The following DOCK11 variants were observed in gnomAD, a reference collection of about 807,000 sequenced individuals.
DOCK11 encodes the protein dedicator of cytokinesis protein 11.
DOCK11 carries 70 observed loss-of-function variants against 169.1 expected under a neutral mutation model. The ratio of observed to expected loss-of-function variants is 0.41; its 90% CI spans 0.34 to 0.51. The LOEUF (loss-of-function observed/expected upper bound fraction) is 0.51. Among genes scored for constraint, DOCK11 ranks in the 20% least tolerant of loss-of-function variants. DOCK11 has a pLI of 0.10. For synonymous variants in DOCK11, 529 were observed against 541.3 expected (o/e 0.98, Z 0.32); for missense variants, 1,166 against 1,538.8 (o/e 0.76, Z 4.05).
chrX:118,590,984 C>T (rs2013975275), intron 19 of DOCK11, among the ~76,000 whole-genome samples: 1 of 112,349 alleles, frequency 8.9e-6, no homozygotes. Flanking sequence ...CTGTCACAGC[C>T]ACTTCTGGTC....
At chrX:118,629,211 A>G (rs2015178753) in intron 34 of DOCK11, among the ~76,000 whole-genome samples, 1 of 111,732 alleles carries the variant, frequency 8.9e-6, no homozygotes, top group Non-Finnish European at 1.9e-5. Flanking sequence ...GCCTTTGGGT[A>G]AACAGTAATT....
In DOCK11 at chrX:118,537,227, G is replaced by C. The variant is rs746587829; in HGVS notation, c.103-5498G>C. Among the ~76,000 whole-genome samples, 53 of 111,593 alleles carry C rather than the reference G, an allele frequency of 4.7e-4. 1 individual carries two copies. Among genetic ancestry groups the C allele is most frequent in the African/African-American group, 1.5e-3 (47 of 30,688 alleles). On this transcript the variant is annotated intron_variant, in intron 1 of 52. Coordinates refer to ENST00000276202, the MANE Select transcript of DOCK11 (RefSeq NM_144658.4). ...TGCTGAAACTCAGTTTGGAGGATGG[G>C]GTGGTGGTAGTGGTGGCGTGGTGGT... is the stretch of plus-strand genomic sequence containing the variant.
At chrX:118,652,179 T>C (rs779223651) in intron 42 of DOCK11, 102 bp downstream of exon 42, 1 of 504,370 alleles carries the variant, frequency 2.0e-6, no homozygotes, top group African/African-American at 2.4e-5. Context: ...TAGTATAGAA[T>C]GTACGGAATG....
chrX:118,535,695 T>TA (rs1847540286), intron 1 of DOCK11, among the ~76,000 whole-genome samples: 1 of 111,955 alleles, frequency 8.9e-6, no homozygotes, highest in Non-Finnish European at 1.9e-5. Flanking sequence ...ACTTTTCCCT[T>TA]AGCCGTTTAC....
intron 36 of DOCK11, among the ~76,000 whole-genome samples, chrX:118,636,828 TACACAC>T (rs765702693): frequency 2.6e-3 from 260 of 100,554 alleles, no homozygotes; most frequent in South Asian, 0.011. Flanking sequence ...TATTTGTGTG[TACACAC>T]ACACACACAC....
chrX:118,607,084 T>C (rs1307984784), intron 24 of DOCK11, among the ~76,000 whole-genome samples: 1 of 106,470 alleles, frequency 9.4e-6, no homozygotes, highest in Non-Finnish European at 1.9e-5. Context: ...CCTTTCCTTT[T>C]CCCTTTCCCT....
At position 118,670,842 on chromosome X, in the gene DOCK11, CTT is replaced by C. The variant is rs769702221; in HGVS notation, c.5077-179_5077-178del. ...TTTATATTTTTAAGAATGTTTTTAA[CTT>C]TAAATATTTTAAATATTTGATTTAG... On this transcript the variant is annotated intron_variant, in intron 45 of 52. Coordinates refer to ENST00000276202, the MANE Select transcript of DOCK11 (RefSeq NM_144658.4). Among the ~76,000 whole-genome samples the C allele has an allele frequency of 4.5e-5, 5 of 112,152 alleles. No individual in the cohort carries two copies. In the East Asian group the frequency reaches 1.4e-3, roughly 31 times the overall value.
intron 16 of DOCK11, among the ~76,000 whole-genome samples, 196 bp downstream of exon 16, chrX:118,585,313 T>A (rs750710247): frequency 9.2e-6 from 1 of 109,071 alleles, no homozygotes; most frequent in South Asian, 4.0e-4. Flanking sequence ...AAGTCCAAAA[T>A]TAAGGTGTTT....
chrX:118,608,351 C>G lies in DOCK11; in HGVS notation c.2872C>G (p.Leu958Val). 1 of 1,206,434 alleles carries G rather than the reference C, an allele frequency of 8.3e-7. No homozygotes were observed. The highest frequency in any genetic ancestry group is 1.1e-6 in the Non-Finnish European group (1 of 893,552). ...AGATTTTTTATCAATAAACAAATTGCTAAAGGTATGAACACAGGACACAAC... is the reference window on the plus strand; with the variant it reads ...AGATTTTTTATCAATAAACAAATTGGTAAAGGTATGAACACAGGACACAAC... ...SADFLSINKL[L>V]KYSWFFFEII... Residue 958 changes from leucine to valine, a missense_variant, in exon 26 of 53, where the codon CTA becomes GTA. Transcript: ENST00000276202.
intron 14 of DOCK11, 98 bp downstream of exon 14, chrX:118,580,277 C>A: frequency 1.6e-6 from 1 of 635,403 alleles, no homozygotes; most frequent in South Asian, 4.0e-5. Context: ...TTCTGGCAGG[C>A]CAGTTGTATC....
chrX:118,580,242 T>C (rs929765946), intron 14 of DOCK11, 63 bp downstream of exon 14: 1 of 946,318 alleles, frequency 1.1e-6, no homozygotes, highest in Non-Finnish European at 1.5e-6. Flanking sequence ...AGGGCTGTTA[T>C]ACTTACCAGC....
At chrX:118,623,838 C>T (rs1225956495) in intron 31 of DOCK11, among the ~76,000 whole-genome samples, 1 of 112,893 alleles carries the variant, frequency 8.9e-6, no homozygotes, top group East Asian at 2.8e-4. Flanking sequence ...TGTGCTACCA[C>T]AGCCACTATT....
At chrX:118,675,868 C>T in intron 46 of DOCK11, 68 bp from the exon 47 acceptor site, 1 of 625,900 alleles carries the variant, frequency 1.6e-6, no homozygotes, top group Non-Finnish European at 2.4e-6. Context: ...TATTTTTGTA[C>T]ATTCATCTTG....
intron 45 of DOCK11, among the ~76,000 whole-genome samples, chrX:118,663,123 A>G (rs2016258785): frequency 8.9e-6 from 1 of 111,976 alleles, no homozygotes; most frequent in Non-Finnish European, 1.9e-5. Context: ...CTATGCACAA[A>G]AGTATTTTTA....
At chrX:118,626,243 A>T (rs2015099659) in intron 32 of DOCK11, among the ~76,000 whole-genome samples, 1 of 65,439 alleles carries the variant, frequency 1.5e-5, no homozygotes, top group African/African-American at 4.5e-5. Context: ...TTTTTTTTGT[A>T]CTTTTAGTAG....
chrX:118,505,937 A>G (rs1275988646), intron 1 of DOCK11, among the ~76,000 whole-genome samples: 1 of 112,348 alleles, frequency 8.9e-6, no homozygotes, highest in African/African-American at 3.2e-5. Context: ...CAGAGCTTGG[A>G]CATGCCTACC....
rs563393156 is a variant in DOCK11 at position 118,514,880 on chromosome X, G to A, written c.102+18807G>A. On this transcript the variant is annotated intron_variant, in intron 1 of 52. Coordinates refer to ENST00000276202, the MANE Select transcript of DOCK11 (RefSeq NM_144658.4). ...AGCCTTACAGCCTCTTACTAGTTGC[G>A]TTGGCTTCCTGTGGCTGCTGTAACA... is the stretch of plus-strand genomic sequence containing the variant. Among the ~76,000 whole-genome samples, 31 of 112,176 alleles carry A rather than the reference G, an allele frequency of 2.8e-4. 1 individual carries two copies. The South Asian group carries it at 0.011, about 38-fold the overall frequency.
intron 40 of DOCK11, among the ~76,000 whole-genome samples, chrX:118,648,491 A>G (rs1007773724): frequency 8.3e-5 from 8 of 96,596 alleles, no homozygotes; most frequent in African/African-American, 2.6e-4. Flanking sequence ...ATAATATATT[A>G]TATTGATATG....
chrX:118,677,512 A>C (rs2016638276), intron 48 of DOCK11, among the ~76,000 whole-genome samples: 1 of 112,352 alleles, frequency 8.9e-6, no homozygotes, highest in South Asian at 3.6e-4. Context: ...TTGTATCCAC[A>C]GTGATATTTA....
Sources: gnomAD v4.1 joint callset for allele counts (sites outside exome capture counted in the v4.1 genomes callset) on GRCh38, gnomAD v4.1.1 for gene constraint, MANE v1.5 for transcripts, NCBI Gene and HGNC (gene_info 2026-07-23, HGNC 2026-07-21) for gene names.